Variants in KIF5B observed in about 807,000 individuals in gnomAD.
The protein encoded by KIF5B is kinesin family member 5B.
Under a neutral mutation model 132.8 loss-of-function variants are expected in KIF5B, and 49 were observed. The ratio of observed to expected loss-of-function variants is 0.37; its 90% CI spans 0.29 to 0.47. The LOEUF is 0.47. KIF5B is among the 20% of genes least tolerant of loss of function. The pLI is 1.00. For missense variants in KIF5B, 780 were observed against 1,144.0 expected (o/e 0.68, Z 4.59); for synonymous variants, 355 against 369.4 (o/e 0.96, Z 0.45).
Position 32,015,612 on chromosome 10 carries a change from G to C in KIF5B, c.2809C>G (p.Pro937Ala). 1.2e-6 allele frequency: 2 copies of C among 1,613,546 alleles called. No individual in the cohort carries two copies. Among genetic ancestry groups the C allele is most frequent in the Non-Finnish European group, 1.7e-6 (2 of 1,179,626 alleles). ...GCACCTCCTCCACGAATTGCACTTG[G>C]GTGAGTTGGAGAAGCTGCTGGATGT... ...GQHPAASPTH[P>A]SAIRGGGAFV... The change falls in exon 25 of 26, where the codon CCA becomes GCA. Residue 937 changes from proline (P) to alanine (A), a missense_variant. Physicochemically the swap from Pro to Ala is conservative, Grantham distance 27. Coordinates refer to ENST00000302418, the MANE Select transcript of KIF5B (RefSeq NM_004521.3).
Position 32,056,317 on chromosome 10 carries a change from C to T in KIF5B, c.-344G>A. The T allele has an allele frequency of 3.5e-6, 1 of 282,900 alleles. No individual in the cohort carries two copies. Among genetic ancestry groups the T allele is most frequent in the Non-Finnish European group, 6.7e-6 (1 of 149,176 alleles). 17.5% of individuals were successfully genotyped at this position (282,900 alleles called of 1,614,324 possible). ...GTTCTGGGGACCGGGAGAGTGGCCA[C>T]CTTCTTCCTCCTCGCGAAGAGCAGG... On this transcript the variant is annotated 5_prime_UTR_variant, in exon 1 of 26. It adds an upstream start codon to the 5' untranslated region. Transcript: ENST00000302418.
intron 14 of KIF5B, among the ~76,000 whole-genome samples, chr10:32,030,052 A>C (rs1273757877): frequency 1.3e-5 from 2 of 152,254 alleles, no homozygotes; most frequent in African/African-American, 2.4e-5. Flanking sequence ...ATGGGTCCTG[A>C]GTGCAACTCT....
At chr10:32,015,424 T>C (rs551287583) in intron 25 of KIF5B, 85 bp downstream of exon 25, 2 of 988,326 alleles carry the variant, frequency 2.0e-6, no homozygotes, top group African/African-American at 3.3e-5. Flanking sequence ...ATAACACTAA[T>C]GTGAGAATTT....
intron 2 of KIF5B, among the ~76,000 whole-genome samples, chr10:32,047,407 C>T (rs1222864394): frequency 6.6e-6 from 1 of 152,110 alleles, no homozygotes; most frequent in Non-Finnish European, 1.5e-5. Context: ...CTCTTTTGTA[C>T]TCACCTAGCA....
chr10:32,052,198 G>C (rs887953935), intron 1 of KIF5B, among the ~76,000 whole-genome samples: 10 of 152,190 alleles, frequency 6.6e-5, no homozygotes, highest in Admixed American at 1.3e-4. Flanking sequence ...ATTCTGAATA[G>C]CGGATCATTT....
In KIF5B at chr10:32,039,322, T is replaced by C. The variant is rs1341683402; in HGVS notation, c.393+5A>G. 1.0e-6 allele frequency: 1 copy of C among 955,038 alleles called. No individual in the cohort carries two copies. The highest frequency in any genetic ancestry group is 1.7e-5 in the African/African-American group (1 of 59,740). 59.2% of individuals were successfully genotyped at this position (955,038 alleles called of 1,614,324 possible). A position where few individuals can be genotyped will look rare whatever the true frequency, so the allele number is the denominator to read the frequency against. The stretch of plus-strand genomic sequence containing the variant: ...TAAAATATAATCTTTCCTCAAGGAA[T>C]TTACCTTAATATGAAATTCCAAATT... On this transcript the variant is annotated splice_donor_5th_base_variant and intron_variant, in intron 4 of 25. Transcript: ENST00000302418.
intron 6 of KIF5B, among the ~76,000 whole-genome samples, chr10:32,037,808 A>G (rs1011078928): frequency 1.3e-5 from 2 of 150,794 alleles, no homozygotes; most frequent in Admixed American, 6.6e-5. Flanking sequence ...CTCCAGCCTG[A>G]GCAACAGAGC....
At position 32,037,244 on chromosome 10, in the gene KIF5B, A is replaced by G. The variant is rs1004140792; in HGVS notation, c.711+10T>C. 2 of 1,607,026 alleles carry G rather than the reference A, an allele frequency of 1.2e-6. No homozygotes were observed. Among genetic ancestry groups the G allele is most frequent in the African/African-American group, 2.7e-5 (2 of 74,434 alleles). On this transcript the variant is annotated intron_variant, in intron 8 of 25. Transcript: ENST00000302418. ...GCTTAAATATTTGTCAAAATACATG[A>G]AGACTTTACCTTTTCACTACCAGCT...
At chr10:32,049,715 G>C (rs1436157649) in intron 1 of KIF5B, among the ~76,000 whole-genome samples, 1 of 149,394 alleles carries the variant, frequency 6.7e-6, no homozygotes, top group Non-Finnish European at 1.5e-5. Context: ...GTCTGAGAAG[G>C]AGCCAGGGGT....
rs1376461087 is a variant in KIF5B, at chr10:32,056,102, G to A, written c.-129C>T. On this transcript the variant is annotated 5_prime_UTR_variant, in exon 1 of 26. Transcript: ENST00000302418. ...GCAGCAGTCAGCTGCGCCGCGCTGC[G>A]CTTCCCCGGGTGGAGGCGGCCGGGG... 2 of 1,202,276 alleles carry A rather than the reference G, an allele frequency of 1.7e-6. No homozygotes were observed. Among genetic ancestry groups the A allele is most frequent in the Non-Finnish European group, 2.3e-6 (2 of 881,524 alleles). The allele number at this position is 1,202,276 out of a possible 1,614,324, so 74.5% of individuals were successfully genotyped here. A position where few individuals can be genotyped will look rare whatever the true frequency, so the allele number is the denominator to read the frequency against.
intron 14 of KIF5B, 46 bp downstream of exon 14, chr10:32,031,027 A>T (rs748247104): frequency 7.4e-7 from 1 of 1,355,124 alleles, no homozygotes; most frequent in African/African-American, 1.5e-5. Context: ...TAGGTTAAGA[A>T]TACTTGTACT....
intron 25 of KIF5B, among the ~76,000 whole-genome samples, chr10:32,012,486 T>G (rs1841097198): frequency 6.6e-6 from 1 of 152,216 alleles, no homozygotes; most frequent in South Asian, 2.1e-4. Context: ...ATCACTTAAG[T>G]GAATCATATA....
At chr10:32,049,539 G>T (rs760296080) in intron 1 of KIF5B, among the ~76,000 whole-genome samples, 7 of 152,172 alleles carry the variant, frequency 4.6e-5, no homozygotes, top group African/African-American at 7.2e-5. Flanking sequence ...TAGCATTCAA[G>T]AAACCAATGG....
intron 9 of KIF5B, 54 bp from the exon 10 acceptor site, chr10:32,035,721 T>A (rs1841453249): frequency 3.3e-6 from 5 of 1,518,060 alleles, no homozygotes; most frequent in Non-Finnish European, 4.5e-6. Context: ...AATGTTATTA[T>A]AAAATAAACT....
At chr10:32,046,006 C>A (rs1381477182) in intron 2 of KIF5B, among the ~76,000 whole-genome samples, 1 of 152,034 alleles carries the variant, frequency 6.6e-6, no homozygotes, top group Non-Finnish European at 1.5e-5. Flanking sequence ...ACTTCAAAAC[C>A]TTTGACACTT....
chr10:32,040,156 T>C (rs1841513757), intron 3 of KIF5B, among the ~76,000 whole-genome samples: 1 of 152,248 alleles, frequency 6.6e-6, no homozygotes, highest in African/African-American at 2.4e-5. Context: ...TTTATGGTTA[T>C]GCTAACTGAT....
At chr10:32,012,437 C>T (rs1437637984) in intron 25 of KIF5B, among the ~76,000 whole-genome samples, 3 of 152,194 alleles carry the variant, frequency 2.0e-5, no homozygotes, top group Admixed American at 6.5e-5. Flanking sequence ...GATCCTGCCA[C>T]TGCACTCCAG....
intron 14 of KIF5B, 100 bp downstream of exon 14, chr10:32,030,973 C>T (rs1460864699): frequency 5.8e-5 from 46 of 788,402 alleles, no homozygotes; most frequent in Non-Finnish European, 5.8e-5. Flanking sequence ...TTGATGTTAT[C>T]GATATTTGAC....
At position 32,055,987 on chromosome 10, in the gene KIF5B, G is replaced by A. The variant is rs1335419060; in HGVS notation, c.-14C>T. On this transcript the variant is annotated 5_prime_UTR_variant, in exon 1 of 26. Coordinates refer to ENST00000302418, the MANE Select transcript of KIF5B (RefSeq NM_004521.3). Reference sequence around the variant, plus strand: ...CAGGTCCGCCATCTTTCTCGCAGCCGGGGCCGGCGGCCGGGAGCCACTCCC... The same window carrying A: ...CAGGTCCGCCATCTTTCTCGCAGCCAGGGCCGGCGGCCGGGAGCCACTCCC... The A allele has an allele frequency of 3.7e-6, 6 of 1,600,336 alleles. No individual in the cohort carries two copies. In the East Asian group the frequency reaches 8.9e-5, roughly 24 times the overall value.
Sources: gnomAD v4.1 joint callset for allele counts (sites outside exome capture counted in the v4.1 genomes callset) on GRCh38, gnomAD v4.1.1 for gene constraint, MANE v1.5 for transcripts, NCBI Gene and HGNC (gene_info 2026-07-23, HGNC 2026-07-21) for gene names.